ERBB4: variants seen among roughly 807,000 people sequenced by gnomAD.
ERBB4 encodes the protein erb-b2 receptor tyrosine kinase 4, also known as receptor tyrosine-protein kinase erbB-4.
In ERBB4, 42 loss-of-function variants were observed where a neutral mutation model predicts 158.0. The observed-to-expected ratio is 0.27, with a 90% CI of 0.21 to 0.34. ERBB4 has a LOEUF of 0.34. Ranked by LOEUF, ERBB4 falls within the 10% of genes least tolerant of loss-of-function variation. The probability of loss-of-function intolerance (pLI) is 1.00; values close to 1 mark genes in which losing one functional copy is unlikely to be tolerated. For synonymous variants in ERBB4, 583 were observed against 558.7 expected (o/e 1.04, Z -0.61); for missense variants, 1,333 against 1,624.1 (o/e 0.82, Z 3.08).
At chr2:211,539,539 A>G (rs1321788578) in intron 20 of ERBB4, among the ~76,000 whole-genome samples, 2 of 151,964 alleles carry the variant, frequency 1.3e-5, no homozygotes, top group Non-Finnish European at 2.9e-5. Context: ...CCTATTCTGC[A>G]TTTTTAAAAT....
At chr2:212,489,192 C>T (rs140944744) in intron 1 of ERBB4, among the ~76,000 whole-genome samples, 95 of 151,952 alleles carry the variant, frequency 6.3e-4, no homozygotes, top group Admixed American at 7.9e-4. Context: ...ATATCCCACA[C>T]GTAGATCTGA....
chr2:211,651,657 C>T (rs559125910), intron 16 of ERBB4, among the ~76,000 whole-genome samples: 15 of 127,776 alleles, frequency 1.2e-4, no homozygotes, highest in South Asian at 5.2e-4. Flanking sequence ...AAGAATAAGA[C>T]GGATCTGAAA....
At chr2:211,674,914 C>G (rs1559405298) in intron 13 of ERBB4, among the ~76,000 whole-genome samples, 1 of 152,074 alleles carries the variant, frequency 6.6e-6, no homozygotes, top group Non-Finnish European at 1.5e-5. Context: ...CTCCAAAACC[C>G]ACTTCCCCAC....
intron 4 of ERBB4, among the ~76,000 whole-genome samples, chr2:211,787,080 T>C (rs2076183138): frequency 6.6e-6 from 1 of 152,170 alleles, no homozygotes; most frequent in Admixed American, 6.5e-5. Flanking sequence ...CATGATGAAA[T>C]TTAATAATTG....
chr2:212,205,723 T>G (rs2082725784), intron 1 of ERBB4, among the ~76,000 whole-genome samples: 1 of 152,164 alleles, frequency 6.6e-6, no homozygotes, highest in Non-Finnish European at 1.5e-5. Flanking sequence ...TAGGAGGGTC[T>G]TATAGAAATA....
At chr2:212,126,233 G>C (rs939533191) in intron 1 of ERBB4, among the ~76,000 whole-genome samples, 1 of 151,948 alleles carries the variant, frequency 6.6e-6, no homozygotes. Flanking sequence ...GGAGGCCGAC[G>C]CAGTTGGATT....
At chr2:211,621,208 C>CT (rs961915225) in intron 18 of ERBB4, among the ~76,000 whole-genome samples, 8 of 150,688 alleles carry the variant, frequency 5.3e-5, no homozygotes, top group East Asian at 1.9e-4. Context: ...TTAAATTATT[C>CT]TTTTTTTTTC....
At chr2:212,044,125 C>T (rs1307948923) in intron 2 of ERBB4, among the ~76,000 whole-genome samples, 1 of 151,954 alleles carries the variant, frequency 6.6e-6, no homozygotes, top group Non-Finnish European at 1.5e-5. Context: ...TAATTAGTGT[C>T]CAACTTAGTA....
At chr2:211,865,588 A>G (rs2078184081) in intron 3 of ERBB4, among the ~76,000 whole-genome samples, 2 of 152,128 alleles carry the variant, frequency 1.3e-5, no homozygotes, top group African/African-American at 4.8e-5. Context: ...CCCAGGTTCA[A>G]GTGATTCTCT....
chr2:211,964,095 A>G (rs2081252430), intron 2 of ERBB4, among the ~76,000 whole-genome samples: 1 of 152,112 alleles, frequency 6.6e-6, no homozygotes, highest in Non-Finnish European at 1.5e-5. Flanking sequence ...CAACTTCATC[A>G]CCTTTCTCTT....
At chr2:211,765,560 G>T (rs191399441) in intron 4 of ERBB4, among the ~76,000 whole-genome samples, 214 of 152,170 alleles carry the variant, frequency 1.4e-3, no homozygotes, top group Non-Finnish European at 2.5e-3. Context: ...TGAGAATGTT[G>T]CAAAACTGCA....
At chr2:211,959,919 A>G (rs916039128) in intron 2 of ERBB4, among the ~76,000 whole-genome samples, 3 of 152,138 alleles carry the variant, frequency 2.0e-5, no homozygotes, top group African/African-American at 7.2e-5. Context: ...CGATGGAACC[A>G]TGATTAAGAT....
At chr2:211,884,011 C>T (rs768484688) in intron 3 of ERBB4, among the ~76,000 whole-genome samples, 12 of 152,106 alleles carry the variant, frequency 7.9e-5, no homozygotes, top group Non-Finnish European at 1.5e-4. Context: ...TCTATTGGAA[C>T]TAAAATATGT....
At chr2:211,947,940 C>A (rs1326407008) in intron 2 of ERBB4, among the ~76,000 whole-genome samples, 1 of 152,014 alleles carries the variant, frequency 6.6e-6, no homozygotes, top group African/African-American at 2.4e-5. Flanking sequence ...CAACAGACTA[C>A]AATAAGTTAA....
chr2:212,118,863 T>C (rs144111610), intron 2 of ERBB4, among the ~76,000 whole-genome samples: 1 of 152,198 alleles, frequency 6.6e-6, no homozygotes, highest in East Asian at 1.9e-4. Flanking sequence ...TTATTCATTA[T>C]CTGAGAGAAG....
intron 2 of ERBB4, among the ~76,000 whole-genome samples, chr2:211,996,740 T>C (rs999606447): frequency 6.6e-6 from 1 of 152,202 alleles, no homozygotes; most frequent in Non-Finnish European, 1.5e-5. Flanking sequence ...TCCAAAGAAT[T>C]CTTCACAAGT....
Position 211,383,926 on chromosome 2 carries a change from G to A in ERBB4, c.3616C>T (p.Pro1206Ser), listed in dbSNP as rs1021016808. The change falls in exon 28 of 28, where the codon CCA (proline) becomes TCA (serine). Residue 1206 changes from proline (P) to serine (S), a missense_variant. By Grantham distance (74) the Pro-to-Ser change is moderately conservative (BLOSUM62 -1). Around this residue, in one of 5 missense-constraint regions of ERBB4, gnomAD observed 252 missense variants for 241.3 expected, o/e 1.04. Coordinates refer to ENST00000342788, the MANE Select transcript of ERBB4 (RefSeq NM_005235.3). ...PKAEDEYVNEPLYLNTFANTL... is the reference protein window; with the variant it reads ...PKAEDEYVNESLYLNTFANTL... ...TTGGCAAAGGTGTTGAGGTACAGTGGCTCATTCACATACTCATCCTCGGCC... is the reference window on the plus strand; with the variant it reads ...TTGGCAAAGGTGTTGAGGTACAGTGACTCATTCACATACTCATCCTCGGCC... 3 of 1,613,888 alleles carry A rather than the reference G, an allele frequency of 1.9e-6. No homozygotes were observed. The highest frequency in any genetic ancestry group is 2.5e-6 in the Non-Finnish European group (3 of 1,180,008).
At chr2:212,333,198 C>A (rs1417648237) in intron 1 of ERBB4, among the ~76,000 whole-genome samples, 1 of 151,930 alleles carries the variant, frequency 6.6e-6, no homozygotes, top group Non-Finnish European at 1.5e-5. Context: ...CCAGATTGAG[C>A]CCTGGGAAAA....
At chr2:212,108,338 T>C (rs1406958245) in intron 2 of ERBB4, among the ~76,000 whole-genome samples, 1 of 152,204 alleles carries the variant, frequency 6.6e-6, no homozygotes, top group African/African-American at 2.4e-5. Context: ...CTAACTTCCA[T>C]CAAGATAAAA....
Sources: gnomAD v4.1 joint callset for allele counts (sites outside exome capture counted in the v4.1 genomes callset) on GRCh38, gnomAD v4.1.1 for gene constraint, gnomAD v4.1.1 regional missense constraint, MANE v1.5 for transcripts, NCBI Gene and HGNC (gene_info 2026-07-23, HGNC 2026-07-21) for gene names.